The following SERGEF variants were observed in gnomAD, a reference collection of about 807,000 sequenced individuals.
SERGEF encodes secretion regulating guanine nucleotide exchange factor, also known as secretion-regulating guanine nucleotide exchange factor.
In SERGEF, 51 loss-of-function variants were observed where a neutral mutation model predicts 50.0. The observed-to-expected ratio is 1.02, with a 90% CI of 0.81 to 1.29. The LOEUF (loss-of-function observed/expected upper bound fraction) is 1.29. SERGEF is among the 50% of genes most tolerant of loss of function. The pLI, the probability that SERGEF is intolerant of heterozygous loss-of-function variation, is 0.00. For missense variants in SERGEF, 521 were observed against 557.0 expected (o/e 0.94, Z 0.65); for synonymous variants, 205 against 212.4 (o/e 0.97, Z 0.30).
intron 10 of SERGEF, among the ~76,000 whole-genome samples, chr11:17,839,661 G>A (rs1850465628): frequency 6.6e-6 from 1 of 152,134 alleles, no homozygotes; most frequent in Non-Finnish European, 1.5e-5. Context: ...TTCTCCCTGT[G>A]CAGAGCATGC....
Position 17,872,900 on chromosome 11 carries a change from T to TACCATTTATGTAAAAGGAAGGATAAA in SERGEF, c.1048+5282_1048+5307dup, listed in dbSNP as rs1410241301. On this transcript the variant is annotated intron_variant, in intron 10 of 10. Transcript: ENST00000265965. ...GCACTGAGAAATGAGTATAGTATGCTACCATTTATGTAAAAGGAAGGATAA... is the reference window on the plus strand; with the variant it reads ...GCACTGAGAAATGAGTATAGTATGCTACCATTTATGTAAAAGGAAGGATAAAACCATTTATGTAAAAGGAAGGATAA... Among the ~76,000 whole-genome samples the TACCATTTATGTAAAAGGAAGGATAAA allele has an allele frequency of 5.2e-4, 79 of 152,014 alleles. 1 individual carries two copies. In the East Asian group the frequency reaches 0.013, roughly 25 times the overall value.
chr11:17,909,593 T>C (rs1851910954), intron 9 of SERGEF, among the ~76,000 whole-genome samples: 1 of 152,208 alleles, frequency 6.6e-6, no homozygotes, highest in Non-Finnish European at 1.5e-5. Flanking sequence ...AATATAGATG[T>C]CTTCTTGATG....
chr11:17,881,283 C>T (rs887181473), intron 9 of SERGEF, among the ~76,000 whole-genome samples: 1 of 152,218 alleles, frequency 6.6e-6, no homozygotes, highest in Admixed American at 6.5e-5. Flanking sequence ...AGCTGACCAG[C>T]CTTGAGGACC....
intron 10 of SERGEF, among the ~76,000 whole-genome samples, chr11:17,860,148 T>C (rs2133881959): frequency 6.6e-6 from 1 of 152,242 alleles, no homozygotes; most frequent in South Asian, 2.1e-4. Flanking sequence ...TCTTTGACCA[T>C]GTTGCAAAGC....
chr11:17,855,002 C>T (rs1002912497), intron 10 of SERGEF: 1 of 152,218 alleles, frequency 6.6e-6, no homozygotes, highest in Non-Finnish European at 1.5e-5. Flanking sequence ...TTATAATTCA[C>T]TCAACGTTGC....
At chr11:17,807,336 C>CA (rs1491408849) in intron 10 of SERGEF, among the ~76,000 whole-genome samples, 1 of 102,114 alleles carries the variant, frequency 9.8e-6, no homozygotes, top group African/African-American at 3.0e-5. Context: ...ACTCCCCCCC[C>CA]ACAAAAAAAA....
intron 10 of SERGEF, among the ~76,000 whole-genome samples, chr11:17,798,328 AC>A (rs1388365166): frequency 2.0e-5 from 3 of 151,596 alleles, no homozygotes; most frequent in African/African-American, 7.3e-5. Flanking sequence ...CCTCTCAACC[AC>A]CCCCTGGCAT....
chr11:17,804,234 C>T (rs1849719160), intron 10 of SERGEF, among the ~76,000 whole-genome samples: 1 of 152,216 alleles, frequency 6.6e-6, no homozygotes, highest in Non-Finnish European at 1.5e-5. Flanking sequence ...CTGTGACGCA[C>T]AACAGAGTTT....
At chr11:17,848,299 TAGA>T (rs1850651361) in intron 10 of SERGEF, among the ~76,000 whole-genome samples, 1 of 152,166 alleles carries the variant, frequency 6.6e-6, no homozygotes, top group African/African-American at 2.4e-5. Flanking sequence ...AGAGCTGGAC[TAGA>T]AGAAGAGCAG....
intron 10 of SERGEF, among the ~76,000 whole-genome samples, chr11:17,862,443 C>A (rs1850943027): frequency 6.6e-6 from 1 of 152,244 alleles, no homozygotes; most frequent in Non-Finnish European, 1.5e-5. Flanking sequence ...CTCAGGTATT[C>A]TGTCCCAGTA....
chr11:17,820,929 T>A (rs1367612719), intron 10 of SERGEF, among the ~76,000 whole-genome samples: 1 of 151,850 alleles, frequency 6.6e-6, no homozygotes, highest in Non-Finnish European at 1.5e-5. Context: ...GCTGGAAGGG[T>A]CAAAGAACAG....
chr11:17,878,190 A>G lies in SERGEF; in HGVS notation c.1048+18T>C. The G allele has an allele frequency of 1.3e-6, 2 of 1,543,242 alleles. No individual in the cohort carries two copies. The highest frequency in any genetic ancestry group is 1.8e-6 in the Non-Finnish European group (2 of 1,121,356). ...ATGATTTTCAGAAGAAACAGTTATC[A>G]GTATAAAAATTACTTACCAATTATT... is the stretch of plus-strand genomic sequence containing the variant. On this transcript the variant is annotated intron_variant, in intron 10 of 10. Coordinates refer to ENST00000265965, the MANE Select transcript of SERGEF (RefSeq NM_012139.4).
At chr11:17,799,131 AG>A (rs1164816756) in intron 10 of SERGEF, among the ~76,000 whole-genome samples, 1 of 152,050 alleles carries the variant, frequency 6.6e-6, no homozygotes, top group Admixed American at 6.5e-5. Context: ...ATTGCCTACC[AG>A]GGCCCCCTCA....
At chr11:17,955,495 A>G (rs2237913) in intron 9 of SERGEF, among the ~76,000 whole-genome samples, 55,816 of 152,062 alleles carry the variant, frequency 0.37, 10,661 homozygotes, top group East Asian at 0.5. Context: ...AAAAGGTGGG[A>G]CAGCACACAA....
chr11:17,840,283 C>T (rs1009325188), intron 10 of SERGEF, among the ~76,000 whole-genome samples: 7 of 152,304 alleles, frequency 4.6e-5, no homozygotes, highest in South Asian at 4.2e-4. Context: ...TGATGGTAAT[C>T]GCGGTTCCAA....
intron 9 of SERGEF, among the ~76,000 whole-genome samples, chr11:17,953,898 A>G (rs1388150858): frequency 6.6e-6 from 1 of 152,196 alleles, no homozygotes; most frequent in Non-Finnish European, 1.5e-5. Context: ...CCGGTCCACC[A>G]CTTTGAGGTT....
chr11:17,852,396 G>C (rs1248722870), intron 10 of SERGEF, among the ~76,000 whole-genome samples: 1 of 152,156 alleles, frequency 6.6e-6, no homozygotes. Context: ...CTCTGGGAAG[G>C]ACCCAGCAAG....
In SERGEF at chr11:17,807,051, G is replaced by GC. The variant is rs201180284; in HGVS notation, c.1049-18639dup. Among the ~76,000 whole-genome samples, 619 of 152,166 alleles carry GC rather than the reference G, an allele frequency of 4.1e-3. 4 individuals are homozygous for GC. Among genetic ancestry groups the GC allele is most frequent in the African/African-American group, 0.014 (600 of 41,498 alleles). On this transcript the variant is annotated intron_variant, in intron 10 of 10. Transcript: ENST00000265965. ...CACTCAAATACTATTTCATCAAGAA[G>GC]CCCCCAACTCGATGGAATAGCATTT...
At chr11:17,934,989 C>A (rs1852423978) in intron 9 of SERGEF, among the ~76,000 whole-genome samples, 1 of 152,062 alleles carries the variant, frequency 6.6e-6, no homozygotes, top group African/African-American at 2.4e-5. Flanking sequence ...CCTATAGGGC[C>A]CTAGTGCTCC....
Sources: gnomAD v4.1 joint callset for allele counts (sites outside exome capture counted in the v4.1 genomes callset) on GRCh38, gnomAD v4.1.1 for gene constraint, MANE v1.5 for transcripts, NCBI Gene and HGNC (gene_info 2026-07-23, HGNC 2026-07-21) for gene names.